Variants in PPP2R2C observed in about 807,000 individuals in gnomAD.
PPP2R2C encodes the protein protein phosphatase 2, regulatory subunit B, gamma.
PPP2R2C carries 10 observed loss-of-function variants against 45.3 expected under a neutral mutation model. That is an observed-to-expected ratio of 0.22 (90% CI 0.14 to 0.37). PPP2R2C has a LOEUF of 0.37. Among genes scored for constraint, PPP2R2C ranks in the 10% least tolerant of loss-of-function variants. The probability of loss-of-function intolerance (pLI) is 1.00; values close to 1 mark genes in which losing one functional copy is unlikely to be tolerated. For missense variants in PPP2R2C, 308 were observed against 619.7 expected, an observed-to-expected ratio of 0.50 and a Z score of 5.34; for synonymous variants, 257 against 245.4, an observed-to-expected ratio of 1.05 and a Z score of -0.44.
chr4:6,468,589 T>C (rs1721702610), intron 1 of PPP2R2C, among the ~76,000 whole-genome samples: 1 of 152,066 alleles, frequency 6.6e-6, no homozygotes, highest in Admixed American at 6.5e-5. Flanking sequence ...TGACTGTTGC[T>C]CCCCAGAAAG....
chr4:6,554,914 G>C (rs1374655625), intron 1 of PPP2R2C, among the ~76,000 whole-genome samples: 2 of 84,252 alleles, frequency 2.4e-5, no homozygotes, highest in East Asian at 7.4e-4. Context: ...AAGGAAGGAA[G>C]GAAGGAAGGA....
intron 5 of PPP2R2C, among the ~76,000 whole-genome samples, chr4:6,356,902 G>A (rs1047663250): frequency 2.0e-5 from 3 of 151,222 alleles, no homozygotes; most frequent in Admixed American, 1.3e-4. Flanking sequence ...GGCAGGGAGG[G>A]GCTGTCAGGT....
At chr4:6,384,362 A>C (rs1716072597) in intron 1 of PPP2R2C, 9 of 985,468 alleles carry the variant, frequency 9.1e-6, no homozygotes, top group Non-Finnish European at 1.1e-5. Context: ...GTGGGGAAAA[A>C]AGCTGGAAGA....
At chr4:6,500,338 G>A (rs1298738196) in intron 2 of PPP2R2C, among the ~76,000 whole-genome samples, 2 of 152,118 alleles carry the variant, frequency 1.3e-5, no homozygotes, top group Non-Finnish European at 2.9e-5. Flanking sequence ...AGTAGAGATG[G>A]GGTTTCACCA....
chr4:6,386,568 T>A (rs1716227556), intron 1 of PPP2R2C, among the ~76,000 whole-genome samples: 1 of 152,234 alleles, frequency 6.6e-6, no homozygotes, highest in Admixed American at 6.5e-5. Context: ...TACAGTTGCT[T>A]TCAGCCAAGT....
chr4:6,483,609 A>G (rs137920568), intron 2 of PPP2R2C, among the ~76,000 whole-genome samples: 8 of 152,100 alleles, frequency 5.3e-5, no homozygotes, highest in African/African-American at 1.9e-4. Context: ...CATTTTGTCC[A>G]CTTATTAATT....
intron 1 of PPP2R2C, among the ~76,000 whole-genome samples, chr4:6,408,246 C>T (rs749771209): frequency 6.6e-6 from 1 of 152,174 alleles, no homozygotes; most frequent in Middle Eastern, 3.2e-3. Flanking sequence ...CCTAGACCCC[C>T]AAAAGGATGC....
chr4:6,417,574 C>A lies in PPP2R2C; in HGVS notation c.71-36480G>T, dbSNP rs1718674949. ...GTTTCCATGCCCAGTCTGCCTGGCA[C>A]ACCCATGCCAGGACCCTCTGGGTGT... On this transcript the variant is annotated intron_variant, in intron 1 of 8. Coordinates refer to ENST00000382599, the MANE Select transcript of PPP2R2C (RefSeq NM_020416.4). 2.0e-5 allele frequency among the ~76,000 whole-genome samples: 3 copies of A among 152,242 alleles called. No homozygotes were observed. The South Asian group carries it at 6.2e-4, about 32-fold the overall frequency.
rs202214430 is a variant in PPP2R2C at position 6,413,256 on chromosome 4, T to A, written c.71-32162A>T. ...TTGTACATACAAACACACAGTCATG[T>A]ACTCGCACACACATTGTCATGTACT... On this transcript the variant is annotated intron_variant, in intron 1 of 8. Coordinates refer to ENST00000382599, the MANE Select transcript of PPP2R2C (RefSeq NM_020416.4). Among the ~76,000 whole-genome samples the A allele has an allele frequency of 4.2e-4, 59 of 140,340 alleles. 1 individual carries two copies. The East Asian group carries it at 9.6e-3, about 23-fold the overall frequency. 92.1% of individuals were successfully genotyped at this position (140,340 alleles called of 152,430 possible). A position where few individuals can be genotyped will look rare whatever the true frequency, so the allele number is the denominator to read the frequency against.
At chr4:6,541,957 T>G (rs1169304422) in intron 1 of PPP2R2C, among the ~76,000 whole-genome samples, 1 of 152,234 alleles carries the variant, frequency 6.6e-6, no homozygotes, top group Non-Finnish European at 1.5e-5. Flanking sequence ...TAACAAATAT[T>G]TCTCGAAGAC....
intron 1 of PPP2R2C, among the ~76,000 whole-genome samples, chr4:6,543,032 G>T (rs747921637): frequency 1.3e-4 from 19 of 151,716 alleles, no homozygotes; most frequent in Non-Finnish European, 1.9e-4. Context: ...AGTGGACTCA[G>T]AGAGGGGCCA....
intron 1 of PPP2R2C, among the ~76,000 whole-genome samples, chr4:6,443,156 T>C (rs1040379713): frequency 6.6e-6 from 1 of 152,044 alleles, no homozygotes; most frequent in Non-Finnish European, 1.5e-5. Context: ...GCCCCTTCCC[T>C]CTCTCTCCTC....
At chr4:6,406,340 G>C (rs928384605) in intron 1 of PPP2R2C, among the ~76,000 whole-genome samples, 3 of 152,208 alleles carry the variant, frequency 2.0e-5, no homozygotes, top group African/African-American at 7.2e-5. Context: ...TCAAAGCTTA[G>C]AAAAATAAAG....
chr4:6,381,518 C>A, intron 1 of PPP2R2C: 1 of 1,389,914 alleles, frequency 7.2e-7, no homozygotes. Context: ...CCCAATATCT[C>A]CATAGATAAG....
intron 1 of PPP2R2C, 169 bp from the exon 2 acceptor site, chr4:6,381,263 A>C: frequency 1.3e-6 from 2 of 1,532,236 alleles, no homozygotes; most frequent in Non-Finnish European, 1.7e-6. Context: ...AGGGGCCACC[A>C]ACCTGTCCCC....
chr4:6,460,601 G>T (rs1018545951), intron 1 of PPP2R2C, among the ~76,000 whole-genome samples: 1 of 152,234 alleles, frequency 6.6e-6, no homozygotes, highest in Admixed American at 6.5e-5. Context: ...CACAGTAGAT[G>T]CTCAAAAACC....
intron 5 of PPP2R2C, among the ~76,000 whole-genome samples, chr4:6,362,976 C>T (rs1184627515): frequency 6.6e-6 from 1 of 152,118 alleles, no homozygotes; most frequent in Non-Finnish European, 1.5e-5. Context: ...ACGCCTACCA[C>T]ATAGTGTTGT....
At chr4:6,451,022 T>C (rs1379209954) in intron 1 of PPP2R2C, among the ~76,000 whole-genome samples, 1 of 152,188 alleles carries the variant, frequency 6.6e-6, no homozygotes, top group Non-Finnish European at 1.5e-5. Context: ...TGAACATGTG[T>C]TGAATAAATT....
In PPP2R2C at chr4:6,329,813, C is replaced by G. The variant is rs1224485450; in HGVS notation, c.961-460G>C. ...GCCAGGACCACCTGGGGTCCAGATC[C>G]TGGCTCTGCCCTCCCAGCTGTGTGA... On this transcript the variant is annotated intron_variant, in intron 7 of 8. Transcript: ENST00000382599. This position sits in a 1 kb window ranked among gnomAD's most constrained non-coding sequence, Gnocchi z 5.8. Among the ~76,000 whole-genome samples, 1 of 152,228 alleles carries G rather than the reference C, an allele frequency of 6.6e-6. No individual in the cohort carries two copies. Among genetic ancestry groups the G allele is most frequent in the Non-Finnish European group, 1.5e-5 (1 of 68,030 alleles).
Sources: allele counts gnomAD v4.1 joint callset (sites outside exome capture counted in the v4.1 genomes callset), GRCh38; gene constraint gnomAD v4.1.1; non-coding constraint Gnocchi (gnomAD v3.1); transcripts MANE v1.5; gene names NCBI Gene and HGNC (gene_info 2026-07-23, HGNC 2026-07-21).